The following MAN1A1 variants were observed in gnomAD, a reference collection of about 807,000 sequenced individuals.
MAN1A1 encodes the protein mannosyl-oligosaccharide 1,2-alpha-mannosidase IA.
MAN1A1 carries 29 observed loss-of-function variants against 70.8 expected under a neutral mutation model. The ratio of observed to expected loss-of-function variants is 0.41; its 90% confidence interval spans 0.31 to 0.56. The LOEUF (loss-of-function observed/expected upper bound fraction) is 0.56, where lower values mean the gene tolerates loss of function less well. MAN1A1 is among the 20% of genes least tolerant of loss of function. The pLI is 0.29. For synonymous variants in MAN1A1, 349 were observed against 330.1 expected, an observed-to-expected ratio of 1.06 and a Z score of -0.62; for missense variants, 747 against 841.3, an observed-to-expected ratio of 0.89 and a Z score of 1.39.
At chr6:119,253,107 G>A (rs1017478878) in intron 5 of MAN1A1, among the ~76,000 whole-genome samples, 21 of 152,032 alleles carry the variant, frequency 1.4e-4, no homozygotes, top group Admixed American at 1.0e-3. Flanking sequence ...ACAATTTCTC[G>A]GATTGTGATG....
chr6:119,201,581 T>C (rs941093138), intron 7 of MAN1A1, among the ~76,000 whole-genome samples: 1 of 152,118 alleles, frequency 6.6e-6, no homozygotes, highest in African/African-American at 2.4e-5. Context: ...ATAAACAAAG[T>C]CACCACACTC....
chr6:119,183,070 T>C (rs770660205), intron 11 of MAN1A1, among the ~76,000 whole-genome samples: 1 of 152,146 alleles, frequency 6.6e-6, no homozygotes, highest in East Asian at 1.9e-4. Context: ...TGAGCAGAGA[T>C]GTTGCACTGA....
intron 5 of MAN1A1, among the ~76,000 whole-genome samples, chr6:119,286,938 G>T (rs544546530): frequency 2.0e-5 from 3 of 151,834 alleles, no homozygotes; most frequent in Non-Finnish European, 2.9e-5. Flanking sequence ...GCTCCTACAC[G>T]TCCTATCTCC....
chr6:119,309,256 G>A (rs995933914), intron 2 of MAN1A1, among the ~76,000 whole-genome samples: 1 of 152,186 alleles, frequency 6.6e-6, no homozygotes, highest in Non-Finnish European at 1.5e-5. Flanking sequence ...TTGTGTGAGT[G>A]TGTGTGTACA....
In MAN1A1 at chr6:119,178,497, A is replaced by G. The variant is rs1773061587; in HGVS notation, c.*1322T>C. The G allele has an allele frequency of 6.6e-6, 1 of 152,102 alleles. No individual in the cohort carries two copies. The allele number at this position is 152,102 out of a possible 1,614,324, so 9.4% of individuals were successfully genotyped here. A position where few individuals can be genotyped will look rare whatever the true frequency, so the allele number is the denominator to read the frequency against. On this transcript the variant is annotated 3_prime_UTR_variant, in exon 13 of 13. Transcript: ENST00000368468. ...ATATATATGTATATATAGTGGGCCA[A>G]TGTAAGCAAACACAAGGTATCACAC...
chr6:119,349,235 G>A lies in MAN1A1; in HGVS notation c.-170C>T, dbSNP rs1773836057. The A allele has an allele frequency of 2.5e-6, 3 of 1,212,528 alleles. No homozygotes were observed. The highest frequency in any genetic ancestry group is 1.6e-5 in the African/African-American group (1 of 63,628). The allele number at this position is 1,212,528 out of a possible 1,614,324, so 75.1% of individuals were successfully genotyped here. A position where few individuals can be genotyped will look rare whatever the true frequency, so the allele number is the denominator to read the frequency against. On this transcript the variant is annotated 5_prime_UTR_variant, in exon 2 of 13. Coordinates refer to ENST00000368468, the MANE Select transcript of MAN1A1 (RefSeq NM_005907.4). ...CAACTCCGCGCCGGGTCTTCTCCCCGGGGCGGCTCCTCGGGCACACAGGCA... is the reference window on the plus strand; with the variant it reads ...CAACTCCGCGCCGGGTCTTCTCCCCAGGGCGGCTCCTCGGGCACACAGGCA...
chr6:119,229,206 TTC>T (rs775637887), intron 6 of MAN1A1, among the ~76,000 whole-genome samples: 4 of 91,940 alleles, frequency 4.4e-5, no homozygotes, highest in Non-Finnish European at 7.0e-5. Context: ...TCAAACTGTG[TTC>T]TGAGACAAAA....
intron 2 of MAN1A1, among the ~76,000 whole-genome samples, chr6:119,329,091 T>C (rs546831066): frequency 6.6e-6 from 1 of 152,168 alleles, no homozygotes; most frequent in South Asian, 2.1e-4. Context: ...GGAGGCTCTG[T>C]GCCATGCCTA....
rs544515211 is a variant in MAN1A1, at chr6:119,331,726, T to C, written c.603+16737A>G. 2.4e-4 allele frequency among the ~76,000 whole-genome samples: 36 copies of C among 152,186 alleles called. 1 individual carries two copies. Among genetic ancestry groups the C allele is most frequent in the Admixed American group, 2.0e-3 (30 of 15,282 alleles). On this transcript the variant is annotated intron_variant, in intron 2 of 12. Coordinates refer to ENST00000368468, the MANE Select transcript of MAN1A1 (RefSeq NM_005907.4). The stretch of plus-strand genomic sequence containing the variant: ...TGGTGTTGCTTTCAGAATTAAAGCA[T>C]GTTGTCTGCCACAAGCTGGGGTGGA...
At chr6:119,337,695 C>G (rs1300878046) in intron 2 of MAN1A1, among the ~76,000 whole-genome samples, 1 of 152,214 alleles carries the variant, frequency 6.6e-6, no homozygotes, top group Non-Finnish European at 1.5e-5. Flanking sequence ...TTCACCCTAA[C>G]TGCTAAAGCA....
rs376242400 is a variant in MAN1A1 at position 119,294,161 on chromosome 6, T to C, written c.817-3398A>G. Among the ~76,000 whole-genome samples, 48 of 152,236 alleles carry C rather than the reference T, an allele frequency of 3.2e-4. 2 individuals are homozygous for C. Among genetic ancestry groups the C allele is most frequent in the East Asian group, 2.1e-3 (11 of 5,190 alleles). Reference sequence around the variant, plus strand: ...GGCTTAAAAATCCTCTTTTGAAATATAGAAGTTGACCAACTTCCTTTGGGG... The same window carrying C: ...GGCTTAAAAATCCTCTTTTGAAATACAGAAGTTGACCAACTTCCTTTGGGG... On this transcript the variant is annotated intron_variant, in intron 4 of 12. Transcript: ENST00000368468.
Position 119,306,129 on chromosome 6 carries a change from T to C in MAN1A1, c.700+767A>G, listed in dbSNP as rs185257832. Among the ~76,000 whole-genome samples, 3 of 152,360 alleles carry C rather than the reference T, an allele frequency of 2.0e-5. No homozygotes were observed. The East Asian group carries it at 5.8e-4, about 29-fold the overall frequency. ...TTATTTAACATTTTCAGTTAAAGTA[T>C]AGAAAGTGTTCTATTGTTGAATTCA... On this transcript the variant is annotated intron_variant, in intron 3 of 12. Coordinates refer to ENST00000368468, the MANE Select transcript of MAN1A1 (RefSeq NM_005907.4).
intron 6 of MAN1A1, among the ~76,000 whole-genome samples, chr6:119,216,518 G>A (rs1774208157): frequency 6.6e-6 from 1 of 152,186 alleles, no homozygotes; most frequent in African/African-American, 2.4e-5. Flanking sequence ...ACGGGGAAGA[G>A]TGAAGTAGGA....
At chr6:119,337,510 G>C (rs1016763633) in intron 2 of MAN1A1, among the ~76,000 whole-genome samples, 1 of 152,172 alleles carries the variant, frequency 6.6e-6, no homozygotes, top group Admixed American at 6.5e-5. Context: ...ATGAATAGGG[G>C]AAGCTCTTTC....
intron 2 of MAN1A1, among the ~76,000 whole-genome samples, chr6:119,326,156 T>C (rs1466333548): frequency 6.6e-6 from 1 of 152,194 alleles, no homozygotes; most frequent in African/African-American, 2.4e-5. Context: ...TCTTACACTT[T>C]CTGCTCTGTC....
intron 6 of MAN1A1, among the ~76,000 whole-genome samples, chr6:119,237,891 TAG>T (rs1178560378): frequency 6.6e-6 from 1 of 152,278 alleles, no homozygotes; most frequent in African/African-American, 2.4e-5. Flanking sequence ...CTTAAAAAGA[TAG>T]AGTTATATTC....
At position 119,349,466 on chromosome 6, in the gene MAN1A1, C is replaced by A. The variant is rs528424686; in HGVS notation, c.-223+76G>T. 1,401 of 942,468 alleles carry A rather than the reference C, an allele frequency of 1.5e-3. 6 individuals are homozygous for A. In the African/African-American group the frequency reaches 0.022, roughly 15 times the overall value. The allele number at this position is 942,468 out of a possible 1,614,324, so 58.4% of individuals were successfully genotyped here. Reference sequence around the variant, plus strand: ...GACTTGGGGTGAAGTTATCAGGTCCCGTGGGTAGGGGAGGGGTGTCCCGCG... The same window carrying A: ...GACTTGGGGTGAAGTTATCAGGTCCAGTGGGTAGGGGAGGGGTGTCCCGCG... On this transcript the variant is annotated intron_variant, in intron 1 of 12. Coordinates refer to ENST00000368468, the MANE Select transcript of MAN1A1 (RefSeq NM_005907.4).
chr6:119,210,951 G>T, intron 6 of MAN1A1: 1 of 443,202 alleles, frequency 2.3e-6, no homozygotes, highest in South Asian at 1.6e-5. Context: ...TCATCATATT[G>T]AGTCTTTTTA....
chr6:119,304,735 A>G (rs1272344636), intron 3 of MAN1A1, among the ~76,000 whole-genome samples: 1 of 152,206 alleles, frequency 6.6e-6, no homozygotes, highest in African/African-American at 2.4e-5. Context: ...TAACTGGGAA[A>G]AGATTCATAA....
Sources: gnomAD v4.1 joint callset for allele counts (sites outside exome capture counted in the v4.1 genomes callset) on GRCh38, gnomAD v4.1.1 for gene constraint, MANE v1.5 for transcripts, NCBI Gene and HGNC (gene_info 2026-07-23, HGNC 2026-07-21) for gene names.